GABRR2: variants seen among roughly 807,000 people sequenced by gnomAD.
GABRR2 encodes the protein gamma-aminobutyric acid receptor subunit rho-2.
Under a neutral mutation model 47.0 loss-of-function variants are expected in GABRR2, and 36 were observed. That is an observed-to-expected ratio of 0.77 (90% CI 0.59 to 1.01). GABRR2 has a LOEUF of 1.01. GABRR2 is among the 50% of genes least tolerant of loss of function. GABRR2 has a pLI of 0.00. For synonymous variants in GABRR2, 204 were observed against 227.5 expected (o/e 0.90, Z 0.93); for missense variants, 587 against 594.6 (o/e 0.99, Z 0.13).
chr6:89,262,402 A>T (rs76948717), intron 8 of GABRR2, among the ~76,000 whole-genome samples: 1,639 of 152,312 alleles, frequency 0.011, 37 homozygotes, highest in African/African-American at 0.038. Flanking sequence ...ATTTAGCCAT[A>T]TTCAGCATGA....
chr6:89,262,098 C>T (rs188703919), intron 8 of GABRR2, among the ~76,000 whole-genome samples: 25 of 152,136 alleles, frequency 1.6e-4, no homozygotes, highest in African/African-American at 6.0e-4. Flanking sequence ...CCCCTGGCCC[C>T]TGTTCCACCA....
chr6:89,292,854 C>CGTATATACG (rs1441091761), intron 2 of GABRR2, among the ~76,000 whole-genome samples: 1 of 137,964 alleles, frequency 7.2e-6, no homozygotes, highest in African/African-American at 2.7e-5. Flanking sequence ...TCGTATATAT[C>CGTATATACG]ATATATTATA....
chr6:89,300,866 C>G (rs1209265508), intron 1 of GABRR2, among the ~76,000 whole-genome samples: 1 of 151,658 alleles, frequency 6.6e-6, no homozygotes, highest in Non-Finnish European at 1.5e-5. Context: ...GGAGGCGGGA[C>G]TCCTCCCCAG....
chr6:89,283,399 C>G (rs909634756), intron 2 of GABRR2, among the ~76,000 whole-genome samples: 3 of 152,028 alleles, frequency 2.0e-5, no homozygotes, highest in South Asian at 4.2e-4. Context: ...TTCAATAAGA[C>G]AGTTGGCAAA....
chr6:89,265,624 C>G lies in GABRR2; in HGVS notation c.878G>C (p.Arg293Thr), dbSNP rs1773872630. Residue 293 changes from arginine (R) to threonine (T), a missense_variant, in exon 7 of 9, where the codon AGA becomes ACA. Coordinates refer to ENST00000402938, the MANE Select transcript of GABRR2 (RefSeq NM_002043.5). ...TGAAATGCTTTTACCCAGTGAAACT[C>G]TGGCAGGCACAGCTCTGCGGTCGAT... ...FWIDRRAVPA[R>T]VSLGITTVLT... 6.2e-7 allele frequency: 1 copy of G among 1,613,340 alleles called. No individual in the cohort carries two copies. The highest frequency in any genetic ancestry group is 1.3e-5 in the African/African-American group (1 of 74,896).
intron 2 of GABRR2, 24 bp downstream of exon 2, chr6:89,299,735 G>A: frequency 6.5e-7 from 1 of 1,540,818 alleles, no homozygotes; most frequent in Non-Finnish European, 9.0e-7. Context: ...CCTCCCACCT[G>A]GCATCAAGGA....
intron 2 of GABRR2, among the ~76,000 whole-genome samples, chr6:89,286,494 A>C (rs1467076519): frequency 6.6e-6 from 1 of 152,200 alleles, no homozygotes; most frequent in East Asian, 1.9e-4. Context: ...ATACATATGC[A>C]TATCAAGGCA....
At chr6:89,297,371 C>G (rs1216968788) in intron 2 of GABRR2, among the ~76,000 whole-genome samples, 3 of 152,100 alleles carry the variant, frequency 2.0e-5, no homozygotes, top group African/African-American at 7.2e-5. Flanking sequence ...AGAAAGGGAC[C>G]CAGCTAGGAG....
In GABRR2 at chr6:89,315,047, C is replaced by G. The variant is rs1375558041; in HGVS notation, c.113+6G>C. On this transcript the variant is annotated splice_donor_region_variant and intron_variant, in intron 1 of 8. Transcript: ENST00000402938. ...AACCTCCCTCCTTTCCCACCTATGACTTTACCTTGGCTTGGGCATTTCCAC... is the reference window on the plus strand; with the variant it reads ...AACCTCCCTCCTTTCCCACCTATGAGTTTACCTTGGCTTGGGCATTTCCAC... 1 of 1,612,042 alleles carries G rather than the reference C, an allele frequency of 6.2e-7. No individual in the cohort carries two copies.
chr6:89,265,506 A>C, intron 7 of GABRR2, 107 bp downstream of exon 7: 2 of 1,264,040 alleles, frequency 1.6e-6, no homozygotes, highest in Non-Finnish European at 2.1e-6. Context: ...TTCTGACTCT[A>C]ACAGCTCATC....
chr6:89,290,980 A>G (rs149139465), intron 2 of GABRR2, among the ~76,000 whole-genome samples: 1 of 152,080 alleles, frequency 6.6e-6, no homozygotes, highest in East Asian at 1.9e-4. Context: ...GACCCTGCCC[A>G]TGCCTCCGTA....
intron 1 of GABRR2, among the ~76,000 whole-genome samples, chr6:89,307,241 A>G (rs1277288223): frequency 2.0e-5 from 3 of 152,092 alleles, no homozygotes; most frequent in African/African-American, 2.4e-5. Flanking sequence ...AACCAAATTC[A>G]CCTCTCTGGG....
chr6:89,288,932 C>T (rs147527069), intron 2 of GABRR2, among the ~76,000 whole-genome samples: 31 of 152,326 alleles, frequency 2.0e-4, no homozygotes, highest in Non-Finnish European at 4.3e-4. Flanking sequence ...CGTAAGACAC[C>T]GTGCCCAGCT....
chr6:89,263,197 G>A (rs762745366), intron 8 of GABRR2, among the ~76,000 whole-genome samples: 4 of 152,120 alleles, frequency 2.6e-5, no homozygotes, highest in Non-Finnish European at 5.9e-5. Context: ...GGATGAAGTC[G>A]TTTATGATGA....
At chr6:89,269,900 C>T (rs1023316688) in intron 3 of GABRR2, among the ~76,000 whole-genome samples, 13 of 152,182 alleles carry the variant, frequency 8.5e-5, no homozygotes, top group African/African-American at 3.1e-4. Flanking sequence ...TGGTTGATTC[C>T]TTAAGAGTTT....
chr6:89,300,528 G>T (rs539680659), intron 1 of GABRR2, among the ~76,000 whole-genome samples: 3 of 151,784 alleles, frequency 2.0e-5, no homozygotes, highest in African/African-American at 7.3e-5. Flanking sequence ...TGACAAAGGG[G>T]ATGTTACCAC....
intron 1 of GABRR2, among the ~76,000 whole-genome samples, chr6:89,309,652 C>T (rs1767643935): frequency 6.6e-6 from 1 of 152,232 alleles, no homozygotes; most frequent in South Asian, 2.1e-4. Context: ...TTTCTATATG[C>T]CCTCTGCCCC....
chr6:89,273,160 C>T (rs898800198), intron 2 of GABRR2, among the ~76,000 whole-genome samples: 8 of 152,100 alleles, frequency 5.3e-5, no homozygotes, highest in Non-Finnish European at 1.2e-4. Flanking sequence ...ATAAGTTGAA[C>T]GTTCTATTTT....
chr6:89,277,875 G>GT (rs1554197117), intron 2 of GABRR2, among the ~76,000 whole-genome samples: 2 of 134,534 alleles, frequency 1.5e-5, no homozygotes, highest in African/African-American at 2.7e-5. Flanking sequence ...GGGTGGGGGG[G>GT]GGTGGGGGCT....
Sources: allele counts gnomAD v4.1 joint callset (sites outside exome capture counted in the v4.1 genomes callset), GRCh38; gene constraint gnomAD v4.1.1; transcripts MANE v1.5; gene names NCBI Gene and HGNC (gene_info 2026-07-23, HGNC 2026-07-21).